The following SMO variants were observed in gnomAD, a reference collection of about 807,000 sequenced individuals.
SMO encodes protein smoothened.
A neutral mutation model predicts 81.6 loss-of-function variants in SMO; 40 were observed. That is an observed-to-expected ratio of 0.49 (90% CI 0.38 to 0.64). The LOEUF is 0.64. Ranked by LOEUF, SMO falls within the 30% of genes least tolerant of loss-of-function variation. The pLI is 0.00. For missense variants in SMO, 916 were observed against 1,061.1 expected, an observed-to-expected ratio of 0.86 and a Z score of 1.90; for synonymous variants, 434 against 432.1, an observed-to-expected ratio of 1.00 and a Z score of -0.05.
At chr7:129,195,436 G>A (rs764118112) in intron 1 of SMO, among the ~76,000 whole-genome samples, 11 of 152,180 alleles carry the variant, frequency 7.2e-5, no homozygotes, top group Non-Finnish European at 1.0e-4. Flanking sequence ...CTGATTACTA[G>A]TAAAGTTAAA....
At chr7:129,193,189 C>T (rs773971520) in intron 1 of SMO, among the ~76,000 whole-genome samples, 2 of 152,178 alleles carry the variant, frequency 1.3e-5, no homozygotes, top group Non-Finnish European at 2.9e-5. Context: ...CTGCAGCTGG[C>T]AGTGGCGATA....
Position 129,213,228 on chromosome 7 carries a change from T to C in SMO, c.*777T>C. The stretch of plus-strand genomic sequence containing the variant: ...GAGAGACTGGTTCAGCTCTAGGGCC[T>C]CAGTCTGGAGTGGGATAGGAGCAGT... On this transcript the variant is annotated 3_prime_UTR_variant, in exon 12 of 12. Coordinates refer to ENST00000249373, the MANE Select transcript of SMO (RefSeq NM_005631.5). The C allele has an allele frequency of 4.3e-6, 1 of 233,466 alleles. No homozygotes were observed. Among genetic ancestry groups the C allele is most frequent in the Non-Finnish European group, 8.5e-6 (1 of 118,200 alleles). The allele number at this position is 233,466 out of a possible 1,614,324, so 14.5% of individuals were successfully genotyped here.
At position 129,205,346 on chromosome 7, in the gene SMO, C is replaced by T. The variant is rs1793746009; in HGVS notation, c.681C>T (p.His227=). ...CQNPLFTEAE[H]QDMHSYIAAF... Reference sequence around the variant, plus strand: ...ACCCGCTCTTCACAGAGGCTGAGCACCAGGACATGCACAGCTACATCGCGG... The same window carrying T: ...ACCCGCTCTTCACAGAGGCTGAGCATCAGGACATGCACAGCTACATCGCGG... Residue 227 remains histidine, a synonymous_variant, in exon 3 of 12, where the codon CAC becomes CAT. Coordinates refer to ENST00000249373, the MANE Select transcript of SMO (RefSeq NM_005631.5). 6.2e-7 allele frequency: 1 copy of T among 1,613,860 alleles called. No individual in the cohort carries two copies.
At chr7:129,195,439 A>G (rs1793557219) in intron 1 of SMO, among the ~76,000 whole-genome samples, 1 of 152,196 alleles carries the variant, frequency 6.6e-6, no homozygotes, top group Non-Finnish European at 1.5e-5. Context: ...ATTACTAGTA[A>G]AGTTAAATGC....
rs2150656109 is a variant in SMO, at chr7:129,211,963, G to T, written c.1937-61G>T. ...ACTAACAGGTTAAGTGCTCCCAGGG[G>T]AGCGGGGGTGGCATGGACAGAGCCA... On this transcript the variant is annotated intron_variant, in intron 11 of 11. Coordinates refer to ENST00000249373, the MANE Select transcript of SMO (RefSeq NM_005631.5). This position sits in a 1 kb window ranked among gnomAD's most constrained non-coding sequence, Gnocchi z 4.6. 6.7e-7 allele frequency: 1 copy of T among 1,494,384 alleles called. No homozygotes were observed. Among genetic ancestry groups the T allele is most frequent in the South Asian group, 1.3e-5 (1 of 77,718 alleles). The allele number at this position is 1,494,384 out of a possible 1,614,324, so 92.6% of individuals were successfully genotyped here.
chr7:129,196,253 C>G (rs1450621967), intron 1 of SMO, among the ~76,000 whole-genome samples: 3 of 150,974 alleles, frequency 2.0e-5, no homozygotes, highest in Admixed American at 6.6e-5. Flanking sequence ...TTCCAAGAAT[C>G]CTTTGTGAAC....
chr7:129,206,916 C>G lies in SMO; in HGVS notation c.1264+329C>G, dbSNP rs1218929305. Among the ~76,000 whole-genome samples the G allele has an allele frequency of 6.6e-6, 1 of 152,186 alleles. No individual in the cohort carries two copies. Among genetic ancestry groups the G allele is most frequent in the Non-Finnish European group, 1.5e-5 (1 of 68,042 alleles). On this transcript the variant is annotated intron_variant, in intron 6 of 11. Coordinates refer to ENST00000249373, the MANE Select transcript of SMO (RefSeq NM_005631.5). This position sits in a 1 kb window ranked among gnomAD's most constrained non-coding sequence, Gnocchi z 4.4. ...CTGGAGTGCAGTGGCACAATCTTGG[C>G]TCACTGCAACCTTCGCCTCCTGGGT... is the stretch of plus-strand genomic sequence containing the variant.
At position 129,203,462 on chromosome 7, in the gene SMO, A is replaced by G. The variant is rs1200055785; in HGVS notation, c.410A>G (p.Asp137Gly). The change falls in exon 2 of 12, where the codon GAC (aspartate) becomes GGC (glycine). Residue 137 changes from aspartate to glycine, a missense_variant. Asp to Gly is a moderately conservative substitution (Grantham distance 94, BLOSUM62 -1). Transcript: ENST00000249373. ...CAVYMPKCEN[D>G]RVELPSRTLC... ...GTATACATGCCCAAGTGTGAGAATG[A>G]CCGGGTGGAGCTGCCCAGCCGTACC... 20 of 1,582,776 alleles carry G rather than the reference A, an allele frequency of 1.3e-5. No homozygotes were observed. Among genetic ancestry groups the G allele is most frequent in the Non-Finnish European group, 1.7e-5 (20 of 1,164,430 alleles).
At chr7:129,205,929 T>C in intron 4 of SMO, 147 bp downstream of exon 4, 1 of 763,964 alleles carries the variant, frequency 1.3e-6, no homozygotes, top group Non-Finnish European at 2.1e-6. Flanking sequence ...AGATCTCCAG[T>C]GTTAGGATCT....
chr7:129,205,580 C>T (rs754101256), intron 3 of SMO, 30 bp from the exon 4 acceptor site: 7 of 1,602,816 alleles, frequency 4.4e-6, no homozygotes, highest in Middle Eastern at 3.3e-4. Context: ...TAACCCTAAC[C>T]TCACAGAATG....
intron 1 of SMO, among the ~76,000 whole-genome samples, chr7:129,191,931 A>C (rs1793487463): frequency 6.6e-6 from 1 of 152,220 alleles, no homozygotes; most frequent in Non-Finnish European, 1.5e-5. Context: ...TCTGTCATCA[A>C]GAAGACAGGC....
At position 129,206,097 on chromosome 7, in the gene SMO, G is replaced by A; in HGVS notation, c.921-53G>A. The A allele has an allele frequency of 7.2e-7, 1 of 1,392,906 alleles. No homozygotes were observed. Among genetic ancestry groups the A allele is most frequent in the Non-Finnish European group, 1.0e-6 (1 of 1,003,396 alleles). The allele number at this position is 1,392,906 out of a possible 1,614,324, so 86.3% of individuals were successfully genotyped here. A position where few individuals can be genotyped will look rare whatever the true frequency, so the allele number is the denominator to read the frequency against. On this transcript the variant is annotated intron_variant, in intron 4 of 11. Coordinates refer to ENST00000249373, the MANE Select transcript of SMO (RefSeq NM_005631.5). The surrounding 1 kb of genome is among the most constrained non-coding windows in gnomAD (Gnocchi z 4.4). ...TCTGGGCACAGGGTGGGGAGACCAGGTAGAGGGAGTACAGAGTGACCGCCT... is the reference window on the plus strand; with the variant it reads ...TCTGGGCACAGGGTGGGGAGACCAGATAGAGGGAGTACAGAGTGACCGCCT...
rs2150652912 is a variant in SMO at position 129,209,364 on chromosome 7, C to T, written c.1433C>T (p.Ala478Val). Reference protein sequence around the residue: ...SCHFYDFFNQAEWERSFRDYV... With the variant: ...SCHFYDFFNQVEWERSFRDYV... The stretch of plus-strand genomic sequence containing the variant: ...CACTTCTACGACTTCTTCAACCAGG[C>T]TGAGTGGGAGCGCAGCTTCCGGGAC... The change falls in exon 8 of 12, where the codon GCT (alanine) becomes GTT (valine). Residue 478 changes from alanine to valine, a missense_variant. Ala to Val is a moderately conservative substitution (Grantham distance 64). Around this residue, in one of 4 missense-constraint regions of SMO, gnomAD observed 436 missense variants for 570.9 expected, o/e 0.76. Coordinates refer to ENST00000249373, the MANE Select transcript of SMO (RefSeq NM_005631.5). 1 of 1,613,812 alleles carries T rather than the reference C, an allele frequency of 6.2e-7. No individual in the cohort carries two copies. The highest frequency in any genetic ancestry group is 8.5e-7 in the Non-Finnish European group (1 of 1,179,698).
In SMO at chr7:129,211,189, GGGCACAC is replaced by G; in HGVS notation, c.1801+77_1801+83del. The stretch of plus-strand genomic sequence containing the variant: ...GTGCTAGTCTCTCCCAGCCTGCTGG[GGGCACAC>G]AGATTATTTGGAAGACCGACTGTGA... On this transcript the variant is annotated intron_variant, in intron 10 of 11. Transcript: ENST00000249373. This position sits in a 1 kb window ranked among gnomAD's most constrained non-coding sequence, Gnocchi z 4.6. 6 of 1,471,978 alleles carry G rather than the reference GGGCACAC, an allele frequency of 4.1e-6. No homozygotes were observed. The highest frequency in any genetic ancestry group is 5.6e-6 in the Non-Finnish European group (6 of 1,077,134). The allele number at this position is 1,471,978 out of a possible 1,614,324, so 91.2% of individuals were successfully genotyped here.
Position 129,210,841 on chromosome 7 carries a change from C to T in SMO, c.1653-124C>T, listed in dbSNP as rs1430907007. 1 of 1,069,764 alleles carries T rather than the reference C, an allele frequency of 9.3e-7. No individual in the cohort carries two copies. The highest frequency in any genetic ancestry group is 1.3e-6 in the Non-Finnish European group (1 of 742,160). 66.3% of individuals were successfully genotyped at this position (1,069,764 alleles called of 1,614,324 possible). A position where few individuals can be genotyped will look rare whatever the true frequency, so the allele number is the denominator to read the frequency against. ...CAGAGAAGGCCTCTACTCCTGAGTC[C>T]TTGAAGGACTTGAGGCCCTTGGGAG... On this transcript the variant is annotated intron_variant, in intron 9 of 11. Coordinates refer to ENST00000249373, the MANE Select transcript of SMO (RefSeq NM_005631.5). This position sits in a 1 kb window ranked among gnomAD's most constrained non-coding sequence, Gnocchi z 4.7.
chr7:129,201,536 C>A (rs1343121994), intron 1 of SMO, among the ~76,000 whole-genome samples: 1 of 152,130 alleles, frequency 6.6e-6, no homozygotes, highest in Non-Finnish European at 1.5e-5. Context: ...GATAGAGAAT[C>A]GTCCTTTAAC....
chr7:129,201,281 G>A (rs1184012167), intron 1 of SMO, among the ~76,000 whole-genome samples: 1 of 151,964 alleles, frequency 6.6e-6, no homozygotes, highest in African/African-American at 2.4e-5. Context: ...TCCTGACCTT[G>A]TGATCCACCC....
In SMO at chr7:129,210,108, T is replaced by C. The variant is rs1584664922; in HGVS notation, c.1467-255T>C. ...GAGCACCCAGGGTTGAGATCAGTGC[T>C]GTGGAGCTTAGCCCTTTCTAAAGTT... is the stretch of plus-strand genomic sequence containing the variant. On this transcript the variant is annotated intron_variant, in intron 8 of 11. Coordinates refer to ENST00000249373, the MANE Select transcript of SMO (RefSeq NM_005631.5). This position sits in a 1 kb window ranked among gnomAD's most constrained non-coding sequence, Gnocchi z 4.7. 1 of 424,368 alleles carries C rather than the reference T, an allele frequency of 2.4e-6. No individual in the cohort carries two copies. The highest frequency in any genetic ancestry group is 3.5e-5 in the Admixed American group (1 of 28,756). The allele number at this position is 424,368 out of a possible 1,614,324, so 26.3% of individuals were successfully genotyped here.
At chr7:129,207,299 G>A (rs1793789531) in intron 6 of SMO, among the ~76,000 whole-genome samples, 2 of 152,198 alleles carry the variant, frequency 1.3e-5, no homozygotes, top group Admixed American at 1.3e-4. Context: ...GATATGTACT[G>A]TCAATCTTCT....
Sources: gnomAD v4.1 joint callset for allele counts (sites outside exome capture counted in the v4.1 genomes callset) on GRCh38, gnomAD v4.1.1 for gene constraint, gnomAD v4.1.1 regional missense constraint, Gnocchi (gnomAD v3.1) non-coding constraint, MANE v1.5 for transcripts, NCBI Gene and HGNC (gene_info 2026-07-23, HGNC 2026-07-21) for gene names.